ZNF184: variants seen among roughly 807,000 people sequenced by gnomAD.
ZNF184 encodes the protein zinc finger protein 184.
In ZNF184, 16 loss-of-function variants were observed where a neutral mutation model predicts 54.4. The ratio of observed to expected loss-of-function variants is 0.29; its 90% CI spans 0.20 to 0.45. The LOEUF (loss-of-function observed/expected upper bound fraction) is 0.45, where lower values mean the gene tolerates loss of function less well. Ranked by LOEUF, ZNF184 falls within the 20% of genes least tolerant of loss-of-function variation. The pLI is 1.00. For synonymous variants in ZNF184, 254 were observed against 295.3 expected, an observed-to-expected ratio of 0.86 and a Z score of 1.43; for missense variants, 681 against 888.2, an observed-to-expected ratio of 0.77 and a Z score of 2.97.
the ZNF184 span, among the ~76,000 whole-genome samples, chr6:27,442,802 G>GAAAGAGAA: frequency 1.1e-5 from 1 of 90,978 alleles, no homozygotes; most frequent in Non-Finnish European, 2.2e-5. Context: ...AAGAAAGAAA[G>GAAAGAGAA]AGAAAGAAAG....
the ZNF184 span, among the ~76,000 whole-genome samples, chr6:27,439,293 G>T: frequency 6.6e-6 from 1 of 152,170 alleles, no homozygotes; most frequent in Non-Finnish European, 1.5e-5. Context: ...GTCAACTACT[G>T]TTCGAAAATA....
the ZNF184 span, among the ~76,000 whole-genome samples, chr6:27,414,382 A>G: frequency 6.6e-6 from 1 of 151,920 alleles, no homozygotes; most frequent in African/African-American, 2.4e-5. Context: ...TTTTCCTCTC[A>G]CTCATAGTAA....
the ZNF184 span, among the ~76,000 whole-genome samples, chr6:27,412,502 GTAGTCAGAGCTA>G: frequency 6.6e-6 from 1 of 152,182 alleles, no homozygotes; most frequent in Non-Finnish European, 1.5e-5. Flanking sequence ...CCTTCACTCT[GTAGTCAGAGCTA>G]TGGGCACACA....
chr6:27,455,773 C>A (rs1762838279), intron 5 of ZNF184, among the ~76,000 whole-genome samples: 1 of 152,058 alleles, frequency 6.6e-6, no homozygotes, highest in Non-Finnish European at 1.5e-5. Flanking sequence ...TTGAACATGG[C>A]ATACATTTTT....
In ZNF184 at chr6:27,452,296, A is replaced by G. The variant is rs368165930; in HGVS notation, c.1263T>C (p.Asn421=). 55 of 1,614,052 alleles carry G rather than the reference A, an allele frequency of 3.4e-5. 2 individuals are homozygous for G. The East Asian group carries it at 3.6e-4, about 10-fold the overall frequency. ...GCTGGCTGAAGGCTTTCCCACATTC[A>G]TTGCATTCGTACGGTTTTTCACCAG... ...IHTGEKPYEC[N]ECGKAFSQHS... The change falls in exon 6 of 6, where the codon AAT becomes AAC. Residue 421 remains asparagine (N), a synonymous_variant. Coordinates refer to ENST00000683788, the MANE Select transcript of ZNF184 (RefSeq NM_001318891.2). The surrounding 1 kb of genome is among the most constrained non-coding windows in gnomAD (Gnocchi z 5.5).
Position 27,466,763 on chromosome 6 carries a change from C to T in ZNF184, c.75+1090G>A, listed in dbSNP as rs113950530. Reference sequence around the variant, plus strand: ...GTTAAGAAAATTCAGTTATGGAACACGAATTAAGCAGGGGGGAAATTTTAA... The same window carrying T: ...GTTAAGAAAATTCAGTTATGGAACATGAATTAAGCAGGGGGGAAATTTTAA... On this transcript the variant is annotated intron_variant, in intron 3 of 5. Coordinates refer to ENST00000683788, the MANE Select transcript of ZNF184 (RefSeq NM_001318891.2). Among the ~76,000 whole-genome samples the T allele has an allele frequency of 4.7e-4, 71 of 151,852 alleles. 1 individual carries two copies. The highest frequency in any genetic ancestry group is 1.6e-3 in the African/African-American group (66 of 41,396).
intron 5 of ZNF184, among the ~76,000 whole-genome samples, chr6:27,454,876 G>A (rs1271045498): frequency 6.6e-6 from 1 of 152,204 alleles, no homozygotes; most frequent in Non-Finnish European, 1.5e-5. Context: ...GTGTGGAGAA[G>A]TAATCGAGGG....
chr6:27,448,548 G>A (rs577152308), downstream of ZNF184, among the ~76,000 whole-genome samples: 1 of 152,172 alleles, frequency 6.6e-6, no homozygotes, highest in African/African-American at 2.4e-5. Context: ...AAGTCCTGAG[G>A]AACTACACCC....
Position 27,452,456 on chromosome 6 carries a change from T to G in ZNF184, c.1103A>C (p.Asp368Ala). Residue 368 changes from aspartate to alanine, a missense_variant, in exon 6 of 6, where the codon GAT (aspartate) becomes GCT (alanine). By Grantham distance (126) the Asp-to-Ala change is moderately radical (BLOSUM62 -2). Coordinates refer to ENST00000683788, the MANE Select transcript of ZNF184 (RefSeq NM_001318891.2). This position sits in a 1 kb window ranked among gnomAD's most constrained non-coding sequence, Gnocchi z 5.5. ...GTGTGTGCTCCTGGTGAAGGTTTTA[T>G]CACATTCATCACATTTAAAAGGTTT... Reference protein sequence around the residue: ...GEKPFKCDECDKTFTRSTHLT... With the variant: ...GEKPFKCDECAKTFTRSTHLT... 6.2e-7 allele frequency: 1 copy of G among 1,614,112 alleles called. No homozygotes were observed. The highest frequency in any genetic ancestry group is 8.5e-7 in the Non-Finnish European group (1 of 1,180,010).
chr6:27,452,690 C>A lies in ZNF184; in HGVS notation c.869G>T (p.Gly290Val). 1 of 1,613,938 alleles carries A rather than the reference C, an allele frequency of 6.2e-7. No individual in the cohort carries two copies. The part of the protein sequence containing the change: ...CDQCGKGFIE[G>V]PSLTQHQRIH... ...TCTTTGATGTTGAGTAAGAGATGGA[C>A]CCTCAATGAAGCCTTTTCCACACTG... The change falls in exon 6 of 6, where the codon GGT (glycine) becomes GTT (valine). Residue 290 changes from glycine to valine, a missense_variant. By Grantham distance (109) the Gly-to-Val change is moderately radical. Coordinates refer to ENST00000683788, the MANE Select transcript of ZNF184 (RefSeq NM_001318891.2). The surrounding 1 kb of genome is among the most constrained non-coding windows in gnomAD (Gnocchi z 5.5).
At chr6:27,419,456 G>A in the ZNF184 span, among the ~76,000 whole-genome samples, 3 of 152,018 alleles carry the variant, frequency 2.0e-5, no homozygotes. The surrounding 1 kb of genome is among the most constrained non-coding windows in gnomAD (Gnocchi z 4.8). Context: ...AAGATTTGAA[G>A]ATCCTAATTC....
the ZNF184 span, among the ~76,000 whole-genome samples, chr6:27,415,378 T>C: frequency 6.6e-6 from 1 of 152,180 alleles, no homozygotes; most frequent in Middle Eastern, 3.2e-3. Context: ...TAGAAAACCT[T>C]CTGTAATTAT....
chr6:27,421,806 G>A, the ZNF184 span, among the ~76,000 whole-genome samples: 2 of 152,136 alleles, frequency 1.3e-5, no homozygotes, highest in Non-Finnish European at 2.9e-5. Context: ...GGTAGCTCAC[G>A]CCTGTAAATC....
the ZNF184 span, among the ~76,000 whole-genome samples, chr6:27,423,788 AC>A: frequency 6.6e-6 from 1 of 152,232 alleles, no homozygotes; most frequent in Non-Finnish European, 1.5e-5. Flanking sequence ...TATAATTTAT[AC>A]TTAACAAAAT....
In ZNF184 at chr6:27,451,867, C is replaced by T. The variant is rs753357190; in HGVS notation, c.1692G>A (p.Gly564=). The change falls in exon 6 of 6, where the codon GGG becomes GGA. Residue 564 remains glycine, a synonymous_variant. Transcript: ENST00000683788. ...GEKPYQCHEC[G]KTFSYGSSLI... is the part of the protein sequence containing the mutation. ...GGGATGAACCATAACTGAAGGTTTT[C>T]CCACATTCATGACACTGATAGGGTT... The T allele has an allele frequency of 8.7e-6, 14 of 1,612,356 alleles. No homozygotes were observed. Among genetic ancestry groups the T allele is most frequent in the Admixed American group, 1.7e-5 (1 of 59,982 alleles).
the ZNF184 span, among the ~76,000 whole-genome samples, chr6:27,412,636 G>A: frequency 6.6e-6 from 1 of 152,338 alleles, no homozygotes; most frequent in Admixed American, 6.5e-5. Context: ...ACCATGGCCT[G>A]TGACACAGCC....
At chr6:27,417,805 G>A in the ZNF184 span, among the ~76,000 whole-genome samples, 1 of 152,196 alleles carries the variant, frequency 6.6e-6, no homozygotes, top group African/African-American at 2.4e-5. Flanking sequence ...AACTATGTAT[G>A]TAGTATAATT....
Position 27,472,256 on chromosome 6 carries a change from C to A in ZNF184, c.7+32G>T, listed in dbSNP as rs546093419. ...GTCATGACTGTTCTCAAGCCTCCAT[C>A]ACCCCGCTCTCCCCCAAGTCGACCC... is the stretch of plus-strand genomic sequence containing the variant. On this transcript the variant is annotated intron_variant, in intron 2 of 5. Transcript: ENST00000683788. The surrounding 1 kb of genome is among the most constrained non-coding windows in gnomAD (Gnocchi z 4.8). 6.2e-7 allele frequency: 1 copy of A among 1,613,486 alleles called. No individual in the cohort carries two copies. The highest frequency in any genetic ancestry group is 1.1e-5 in the South Asian group (1 of 90,972).
chr6:27,422,148 A>AAAAAAAGAAAGAAAGAAGAAAG, the ZNF184 span, among the ~76,000 whole-genome samples: 155 of 43,470 alleles, frequency 3.6e-3, 16 homozygotes, highest in African/African-American at 0.012. Flanking sequence ...CTCAAAAAAA[A>AAAAAAAGAAAGAAAGAAGAAAG]AAAGAAAGAA....
Sources: allele counts gnomAD v4.1 joint callset (sites outside exome capture counted in the v4.1 genomes callset), GRCh38; gene constraint gnomAD v4.1.1; non-coding constraint Gnocchi (gnomAD v3.1); transcripts MANE v1.5; gene names NCBI Gene and HGNC (gene_info 2026-07-23, HGNC 2026-07-21).